The following MYO3A variants were observed in gnomAD, a reference collection of about 807,000 sequenced individuals.
MYO3A encodes the protein myosin-IIIa.
In MYO3A, 180 loss-of-function variants were observed where a neutral mutation model predicts 192.7. That is an observed-to-expected ratio of 0.93 (90% CI 0.83 to 1.06). MYO3A has a LOEUF of 1.06. Among genes scored for constraint, MYO3A ranks in the 50% least tolerant of loss-of-function variants. The pLI, the probability that MYO3A is intolerant of heterozygous loss-of-function variation, is 0.00. For missense variants in MYO3A, 1,896 were observed against 1,905.0 expected (o/e 1.00, Z 0.09); for synonymous variants, 628 against 645.3 (o/e 0.97, Z 0.41).
At chr10:26,059,858 A>G (rs562942878) in intron 10 of MYO3A, among the ~76,000 whole-genome samples, 30 of 152,362 alleles carry the variant, frequency 2.0e-4, no homozygotes, top group African/African-American at 7.2e-4. Context: ...TTAGATTTTT[A>G]TTAAAACAAC....
intron 14 of MYO3A, among the ~76,000 whole-genome samples, chr10:26,080,591 G>C (rs377378027): frequency 7.5e-6 from 1 of 133,732 alleles, no homozygotes; most frequent in Non-Finnish European, 1.6e-5. Flanking sequence ...TAATTTTTTT[G>C]GGGGGAGGCG....
chr10:26,194,150 C>A (rs1843286630), intron 32 of MYO3A, among the ~76,000 whole-genome samples: 1 of 152,164 alleles, frequency 6.6e-6, no homozygotes, highest in Non-Finnish European at 1.5e-5. Flanking sequence ...GACTATTAAT[C>A]ATTTCCCACT....
At chr10:26,072,698 T>TTA (rs1176774661) in intron 14 of MYO3A, among the ~76,000 whole-genome samples, 6 of 71,904 alleles carry the variant, frequency 8.3e-5, no homozygotes, top group African/African-American at 4.2e-4. Flanking sequence ...TTTTCTATGT[T>TTA]TATAAAAAAA....
At chr10:25,957,709 A>G (rs1388230322) in intron 4 of MYO3A, among the ~76,000 whole-genome samples, 2 of 152,208 alleles carry the variant, frequency 1.3e-5, no homozygotes, top group Non-Finnish European at 2.9e-5. Context: ...CAATCTCACC[A>G]GCAGCATATA....
intron 4 of MYO3A, among the ~76,000 whole-genome samples, chr10:25,993,899 C>A (rs1027041977): frequency 1.3e-5 from 2 of 152,146 alleles, no homozygotes; most frequent in African/African-American, 4.8e-5. Flanking sequence ...TATTTCTGTT[C>A]TTTTACATTT....
chr10:25,999,091 G>A, intron 6 of MYO3A, among the ~76,000 whole-genome samples: 1 of 151,930 alleles, frequency 6.6e-6, no homozygotes, highest in Non-Finnish European at 1.5e-5. Flanking sequence ...ATAGAGACGG[G>A]GTTTCACCAT....
chr10:26,208,557 G>A (rs1169746825), intron 34 of MYO3A, among the ~76,000 whole-genome samples: 1 of 152,096 alleles, frequency 6.6e-6, no homozygotes, highest in Non-Finnish European at 1.5e-5. Flanking sequence ...TGATATACCT[G>A]GCAGATAGTT....
At chr10:26,143,974 A>G (rs981416092) in intron 21 of MYO3A, among the ~76,000 whole-genome samples, 4 of 152,178 alleles carry the variant, frequency 2.6e-5, no homozygotes, top group African/African-American at 9.6e-5. Context: ...AAATAAATTA[A>G]TCTGTGATGT....
At chr10:26,088,507 C>CT in intron 15 of MYO3A, 102 bp downstream of exon 15, 1 of 1,129,736 alleles carries the variant, frequency 8.9e-7, no homozygotes, top group Non-Finnish European at 1.3e-6. Context: ...TTATTTATCA[C>CT]TTACTATATG....
At chr10:26,171,620 T>C (rs1441708065) in intron 29 of MYO3A, among the ~76,000 whole-genome samples, 1 of 152,204 alleles carries the variant, frequency 6.6e-6, no homozygotes, top group African/African-American at 2.4e-5. Context: ...CCTATATATA[T>C]GCTCTCTGTC....
intron 10 of MYO3A, among the ~76,000 whole-genome samples, chr10:26,047,887 CT>C (rs113078742): frequency 0.16 from 24,679 of 149,674 alleles, 2,289 homozygotes; most frequent in Non-Finnish European, 0.21. Flanking sequence ...AATTTGTATT[CT>C]TTTTTTTTTG....
At chr10:26,146,080 T>C (rs1218779299) in intron 22 of MYO3A, among the ~76,000 whole-genome samples, 1 of 152,176 alleles carries the variant, frequency 6.6e-6, no homozygotes, top group Non-Finnish European at 1.5e-5. Flanking sequence ...ATAACTGAGC[T>C]AAGCCAGATG....
intron 19 of MYO3A, among the ~76,000 whole-genome samples, chr10:26,127,046 T>C (rs1839259179): frequency 6.6e-6 from 1 of 152,162 alleles, no homozygotes; most frequent in Non-Finnish European, 1.5e-5. Context: ...TCTGGGTCTT[T>C]CCCTCCTCAA....
chr10:26,102,306 T>G (rs1466196317), intron 17 of MYO3A, among the ~76,000 whole-genome samples: 1 of 152,202 alleles, frequency 6.6e-6, no homozygotes, highest in Non-Finnish European at 1.5e-5. Context: ...GTCTAATCTT[T>G]TTTCAAGGTT....
intron 6 of MYO3A, among the ~76,000 whole-genome samples, chr10:25,999,936 C>T (rs187611247): frequency 3.7e-4 from 57 of 152,306 alleles, no homozygotes; most frequent in African/African-American, 1.1e-3. Flanking sequence ...ATCTTTACTG[C>T]TCCTGCCCTA....
intron 4 of MYO3A, among the ~76,000 whole-genome samples, chr10:25,963,105 G>C (rs980154805): frequency 1.3e-5 from 2 of 152,124 alleles, no homozygotes; most frequent in African/African-American, 4.8e-5. Flanking sequence ...AATTGGTCCT[G>C]ATTTGTTCAT....
At chr10:26,173,378 G>C (rs772193280) in intron 29 of MYO3A, among the ~76,000 whole-genome samples, 1 of 152,164 alleles carries the variant, frequency 6.6e-6, no homozygotes, top group South Asian at 2.1e-4. Context: ...TAAGTTCCTA[G>C]AATTTTGATA....
intron 20 of MYO3A, among the ~76,000 whole-genome samples, chr10:26,133,865 A>G (rs1839696778): frequency 6.6e-6 from 1 of 152,256 alleles, no homozygotes; most frequent in African/African-American, 2.4e-5. Flanking sequence ...GTTAGAGCAT[A>G]CTATTGACAA....
At chr10:26,077,795 A>C (rs1835684920) in intron 14 of MYO3A, among the ~76,000 whole-genome samples, 1 of 152,108 alleles carries the variant, frequency 6.6e-6, no homozygotes, top group Admixed American at 6.6e-5. Context: ...GTGGTGTATC[A>C]CATTTATTGA....
Sources: gnomAD v4.1 joint callset for allele counts (sites outside exome capture counted in the v4.1 genomes callset) on GRCh38, gnomAD v4.1.1 for gene constraint, MANE v1.5 for transcripts, NCBI Gene and HGNC (gene_info 2026-07-23, HGNC 2026-07-21) for gene names.